The following ZBTB7A variants were observed in gnomAD, a reference collection of about 807,000 sequenced individuals.
ZBTB7A encodes zinc finger and BTB domain containing 7A.
A neutral mutation model predicts 26.7 loss-of-function variants in ZBTB7A; 7 were observed. That is an observed-to-expected ratio of 0.26 (90% CI 0.15 to 0.49). ZBTB7A has a LOEUF of 0.49. Ranked by LOEUF, ZBTB7A falls within the 20% of genes least tolerant of loss-of-function variation. The probability of loss-of-function intolerance (pLI) is 0.98; values close to 1 mark genes in which losing one functional copy is unlikely to be tolerated. For synonymous variants in ZBTB7A, 452 were observed against 441.0 expected (o/e 1.02, Z -0.31); for missense variants, 617 against 919.5 (o/e 0.67, Z 4.25).
At chr19:4,063,194 G>C (rs1465951863) in intron 1 of ZBTB7A, among the ~76,000 whole-genome samples, 1 of 152,192 alleles carries the variant, frequency 6.6e-6, no homozygotes. Flanking sequence ...GAGGAGAAAA[G>C]ACACCACGGG....
At chr19:4,061,101 CA>C (rs909694848) in intron 1 of ZBTB7A, among the ~76,000 whole-genome samples, 3 of 152,200 alleles carry the variant, frequency 2.0e-5, no homozygotes, top group African/African-American at 7.2e-5. Context: ...ATCCATTCAG[CA>C]AACTTAGCCC....
At chr19:4,059,347 C>T (rs1000810293) in intron 1 of ZBTB7A, among the ~76,000 whole-genome samples, 4 of 152,120 alleles carry the variant, frequency 2.6e-5, no homozygotes, top group Admixed American at 6.5e-5. Flanking sequence ...TGCAGGTCCC[C>T]GCCAGTGTGA....
intron 1 of ZBTB7A, among the ~76,000 whole-genome samples, chr19:4,063,214 A>G (rs1274799101): frequency 6.6e-6 from 1 of 152,120 alleles, no homozygotes; most frequent in African/African-American, 2.4e-5. Context: ...GTGGCTTTGC[A>G]GGCAGCAGCT....
intron 2 of ZBTB7A, among the ~76,000 whole-genome samples, chr19:4,049,802 C>G (rs1406707736): frequency 6.6e-6 from 1 of 152,238 alleles, no homozygotes; most frequent in Non-Finnish European, 1.5e-5. Flanking sequence ...TTTGCATGTG[C>G]TGCTCCCGCA....
At chr19:4,065,931 C>A (rs1214985903) in intron 1 of ZBTB7A, among the ~76,000 whole-genome samples, 1 of 143,586 alleles carries the variant, frequency 7.0e-6, no homozygotes, top group African/African-American at 2.5e-5. Context: ...CCCGCCCCCG[C>A]GCCGCGCCGC....
At chr19:4,055,314 A>G in intron 1 of ZBTB7A, 67 bp from the exon 2 acceptor site, 2 of 1,426,264 alleles carry the variant, frequency 1.4e-6, no homozygotes, top group East Asian at 5.1e-5. Flanking sequence ...CCCACTGACA[A>G]GGGCCCGAGG....
In ZBTB7A at chr19:4,054,372, G is replaced by C. The variant is rs767438156; in HGVS notation, c.861C>G (p.Ala287=). ...EEEAASLSEA[A]PEPGDSPGFL... is the part of the protein sequence containing the mutation. The stretch of plus-strand genomic sequence containing the variant: ...AGCCCGGAGAGTCGCCCGGCTCGGG[G>C]GCCGCCTCCGACAGCGAGGCGGCCT... Residue 287 remains alanine, a synonymous_variant, in exon 2 of 3, where the codon GCC becomes GCG. Transcript: ENST00000322357. 3 of 1,446,756 alleles carry C rather than the reference G, an allele frequency of 2.1e-6. No individual in the cohort carries two copies. Among genetic ancestry groups the C allele is most frequent in the Non-Finnish European group, 2.7e-6 (3 of 1,111,348 alleles). The allele number at this position is 1,446,756 out of a possible 1,614,324, so 89.6% of individuals were successfully genotyped here. A position where few individuals can be genotyped will look rare whatever the true frequency, so the allele number is the denominator to read the frequency against.
rs771729672 is a variant in ZBTB7A, at chr19:4,054,544, G to A, written c.689C>T (p.Pro230Leu). The A allele has an allele frequency of 3.4e-6, 5 of 1,458,364 alleles. No individual in the cohort carries two copies. The highest frequency in any genetic ancestry group is 2.8e-5 in the Admixed American group (1 of 35,410). 90.3% of individuals were successfully genotyped at this position (1,458,364 alleles called of 1,614,324 possible). Residue 230 changes from proline to leucine, a missense_variant, in exon 2 of 3, where the codon CCG becomes CTG. Physicochemically the swap from Pro to Leu is moderately conservative, Grantham distance 98 (BLOSUM62 -3). Coordinates refer to ENST00000322357, the MANE Select transcript of ZBTB7A (RefSeq NM_015898.4). ...GTCGCCCTCGTCCCCGTCCCCCGTC[G>A]GGGGCCGCTCGGCCGGGGGGCCCGG... Reference protein sequence around the residue: ...YGPGPPAERPPTGDGDEGDSN... With the variant: ...YGPGPPAERPLTGDGDEGDSN...
intron 1 of ZBTB7A, among the ~76,000 whole-genome samples, chr19:4,061,029 CT>C (rs2040632768): frequency 6.6e-6 from 1 of 152,192 alleles, no homozygotes; most frequent in African/African-American, 2.4e-5. Context: ...CCTCTGTCTC[CT>C]GGGGGATGGG....
Position 4,054,222 on chromosome 19 carries a change from G to A in ZBTB7A, c.1011C>T (p.Ser337=), listed in dbSNP as rs764262120. 3.8e-6 allele frequency: 6 copies of A among 1,583,706 alleles called. No homozygotes were observed. The highest frequency in any genetic ancestry group is 3.4e-5 in the Admixed American group (2 of 58,164). Residue 337 remains serine (S), a synonymous_variant, in exon 2 of 3, where the codon AGC becomes AGT. Transcript: ENST00000322357. The part of the protein sequence containing the change: ...VGRAGAAAGD[S]DEESRADDKG... Reference sequence around the variant, plus strand: ...TGTCGTCGGCCCGCGACTCCTCGTCGCTGTCCCCCGCCGCGGCCCCCGCCC... The same window carrying A: ...TGTCGTCGGCCCGCGACTCCTCGTCACTGTCCCCCGCCGCGGCCCCCGCCC...
intron 2 of ZBTB7A, among the ~76,000 whole-genome samples, chr19:4,050,944 CAA>C (rs1276868446): frequency 6.6e-6 from 1 of 151,618 alleles, no homozygotes; most frequent in Non-Finnish European, 1.5e-5. Flanking sequence ...ACTAAAAATA[CAA>C]AAATTAGCCG....
intron 2 of ZBTB7A, among the ~76,000 whole-genome samples, chr19:4,049,453 C>A (rs890766033): frequency 3.3e-5 from 5 of 151,562 alleles, no homozygotes; most frequent in African/African-American, 4.8e-5. Context: ...ATGCCACAGA[C>A]CTTTGCCGAG....
Position 4,046,847 on chromosome 19 carries a change from A to C in ZBTB7A, c.*905T>G, listed in dbSNP as rs2040426126. ...AAAAAAATCTAAAAAGTGCTTTAAA[A>C]ATTTGGGAGAGGGGGCTCGGGGGAG... On this transcript the variant is annotated 3_prime_UTR_variant, in exon 3 of 3. Transcript: ENST00000322357. 1 of 148,342 alleles carries C rather than the reference A, an allele frequency of 6.7e-6. No homozygotes were observed. The highest frequency in any genetic ancestry group is 2.2e-4 in the South Asian group (1 of 4,590). 9.2% of individuals were successfully genotyped at this position (148,342 alleles called of 1,614,324 possible).
chr19:4,053,568 TGC>T (rs2040529534), intron 2 of ZBTB7A, among the ~76,000 whole-genome samples: 4 of 149,886 alleles, frequency 2.7e-5, no homozygotes. Context: ...TGCGTGTGTG[TGC>T]GCGCATGTCG....
chr19:4,049,306 G>A (rs2040472271), intron 2 of ZBTB7A, among the ~76,000 whole-genome samples: 1 of 145,222 alleles, frequency 6.9e-6, no homozygotes, highest in Non-Finnish European at 1.5e-5. Context: ...CAAAGCTCTA[G>A]GATTACAGGT....
At chr19:4,053,598 T>C (rs559542542) in intron 2 of ZBTB7A, among the ~76,000 whole-genome samples, 2 of 150,796 alleles carry the variant, frequency 1.3e-5, no homozygotes, top group African/African-American at 4.9e-5. Flanking sequence ...TGTGTGTGCG[T>C]GCATGTGTAT....
rs747625451 is a variant in ZBTB7A at position 4,054,168 on chromosome 19, G to A, written c.1065C>T (p.Tyr355=). ...CGTCGCCGTCGTGGGCGCCGCTGAAGTACTTCAGGTAGTAGTCCATGACGC... is the reference window on the plus strand; with the variant it reads ...CGTCGCCGTCGTGGGCGCCGCTGAAATACTTCAGGTAGTAGTCCATGACGC... The part of the protein sequence containing the change: ...DKGVMDYYLK[Y]FSGAHDGDVY... Residue 355 remains tyrosine, a synonymous_variant, in exon 2 of 3, where the codon TAC becomes TAT. Transcript: ENST00000322357. 2 of 1,600,850 alleles carry A rather than the reference G, an allele frequency of 1.2e-6. No individual in the cohort carries two copies. Among genetic ancestry groups the A allele is most frequent in the Non-Finnish European group, 8.5e-7 (1 of 1,179,314 alleles).
intron 2 of ZBTB7A, among the ~76,000 whole-genome samples, chr19:4,049,164 GTGTGTATATATATATATA>G (rs1385307448): frequency 0.024 from 498 of 21,182 alleles, 37 homozygotes; most frequent in Admixed American, 0.052. Flanking sequence ...GTGTGTGTGT[GTGTGTATATATATATATA>G]TATATATATA....
In ZBTB7A at chr19:4,052,349, C is replaced by T. The variant is rs1187863965; in HGVS notation, c.1262+1622G>A. On this transcript the variant is annotated intron_variant, in intron 2 of 2. Coordinates refer to ENST00000322357, the MANE Select transcript of ZBTB7A (RefSeq NM_015898.4). The surrounding 1 kb of genome is among the most constrained non-coding windows in gnomAD (Gnocchi z 4.9). ...TGACCCCTGCCTGGAGGAAGAGGAG[C>T]CCCCCAAGACCTCCAGTACCCCAAC... is the stretch of plus-strand genomic sequence containing the variant. Among the ~76,000 whole-genome samples the T allele has an allele frequency of 3.9e-5, 6 of 152,124 alleles. No individual in the cohort carries two copies. Among genetic ancestry groups the T allele is most frequent in the Admixed American group, 2.6e-4 (4 of 15,284 alleles).
Sources: gnomAD v4.1 joint callset for allele counts (sites outside exome capture counted in the v4.1 genomes callset) on GRCh38, gnomAD v4.1.1 for gene constraint, Gnocchi (gnomAD v3.1) non-coding constraint, MANE v1.5 for transcripts, NCBI Gene and HGNC (gene_info 2026-07-23, HGNC 2026-07-21) for gene names.